PNPLA7: variants seen among roughly 807,000 people sequenced by gnomAD.
PNPLA7 encodes the protein patatin like domain 7, lysophospholipase, also known as patatin-like phospholipase domain-containing protein 7.
A neutral mutation model predicts 161.7 loss-of-function variants in PNPLA7; 153 were observed. The observed-to-expected ratio is 0.95, with a 90% CI of 0.83 to 1.08. The LOEUF (loss-of-function observed/expected upper bound fraction) is 1.08. Among genes scored for constraint, PNPLA7 ranks in the 50% least tolerant of loss-of-function variants. PNPLA7 has a pLI of 0.00. For synonymous variants in PNPLA7, 809 were observed against 782.1 expected (o/e 1.03, Z -0.57); for missense variants, 1,739 against 1,856.6 (o/e 0.94, Z 1.16).
chr9:137,460,865 A>G, intron 33 of PNPLA7, 128 bp from the exon 34 acceptor site: 1 of 784,960 alleles, frequency 1.3e-6, no homozygotes, highest in Non-Finnish European at 2.0e-6. Flanking sequence ...GGGGCCCTAC[A>G]CGCAGCCACC....
chr9:137,495,569 G>A (rs919079322), intron 18 of PNPLA7, among the ~76,000 whole-genome samples: 3 of 151,880 alleles, frequency 2.0e-5, no homozygotes, highest in African/African-American at 7.3e-5. Context: ...TCAGCCTCCC[G>A]AGTAGCTGTG....
chr9:137,543,875 T>C lies in PNPLA7; in HGVS notation c.274-60A>G, dbSNP rs1836348601. On this transcript the variant is annotated intron_variant, in intron 4 of 34. Coordinates refer to ENST00000406427, the MANE Select transcript of PNPLA7 (RefSeq NM_001098537.3). This position sits in a 1 kb window ranked among gnomAD's most constrained non-coding sequence, Gnocchi z 6.9. ...TGCAAGCCGCAAGGTCCAAGCTCTTTGCCATGGGGATCAGTCCTCAGGACC... is the reference window on the plus strand; with the variant it reads ...TGCAAGCCGCAAGGTCCAAGCTCTTCGCCATGGGGATCAGTCCTCAGGACC... 1.4e-6 allele frequency: 2 copies of C among 1,436,962 alleles called. No individual in the cohort carries two copies. Among genetic ancestry groups the C allele is most frequent in the South Asian group, 1.1e-5 (1 of 87,236 alleles). The allele number at this position is 1,436,962 out of a possible 1,614,324, so 89.0% of individuals were successfully genotyped here.
Position 137,462,300 on chromosome 9 carries a change from A to G in PNPLA7, c.3524T>C (p.Leu1175Pro). The change falls in exon 31 of 35, where the codon CTG becomes CCG. Residue 1175 changes from leucine (L) to proline (P), a missense_variant. By Grantham distance (98) the Leu-to-Pro change is moderately conservative. Around this residue, in one of 6 missense-constraint regions of PNPLA7, gnomAD observed 703 missense variants for 694.6 expected, o/e 1.01. Transcript: ENST00000406427. ...CTGCCGCACGCAACACACGTAGGCC[A>G]GGCGCGTCTGAATCTCTGCCATGTT... is the stretch of plus-strand genomic sequence containing the variant. ...VLNMAEIQTR[L>P]AYVCCVRQLE... 6.2e-7 allele frequency: 1 copy of G among 1,610,396 alleles called. No individual in the cohort carries two copies. Among genetic ancestry groups the G allele is most frequent in the Non-Finnish European group, 8.5e-7 (1 of 1,178,484 alleles).
chr9:137,462,582 G>A (rs1831269529), intron 30 of PNPLA7, 103 bp downstream of exon 30: 3 of 1,483,326 alleles, frequency 2.0e-6, no homozygotes, highest in Non-Finnish European at 2.7e-6. Context: ...AGACCTGCTG[G>A]CCTCAGAGCC....
chr9:137,545,371 G>C (rs576237110), intron 4 of PNPLA7, among the ~76,000 whole-genome samples: 38 of 152,324 alleles, frequency 2.5e-4, no homozygotes, highest in Admixed American at 1.3e-4. Flanking sequence ...GCCTGGCAGA[G>C]ACCTCCAAGC....
chr9:137,550,270 G>A lies in PNPLA7; in HGVS notation c.-73C>T, dbSNP rs1417823169. On this transcript the variant is annotated 5_prime_UTR_variant, in exon 1 of 35. Transcript: ENST00000406427. ...AGCAAACAAGGGCACACCTCTACCCGCTCATGCTCACACCTGGACACTTTT... is the reference window on the plus strand; with the variant it reads ...AGCAAACAAGGGCACACCTCTACCCACTCATGCTCACACCTGGACACTTTT... The A allele has an allele frequency of 5.2e-6, 8 of 1,526,412 alleles. No homozygotes were observed. The highest frequency in any genetic ancestry group is 1.4e-5 in the African/African-American group (1 of 72,996). The allele number at this position is 1,526,412 out of a possible 1,614,324, so 94.6% of individuals were successfully genotyped here.
intron 1 of PNPLA7, among the ~76,000 whole-genome samples, chr9:137,548,673 G>A (rs369592012): frequency 6.6e-5 from 10 of 152,298 alleles, no homozygotes; most frequent in South Asian, 2.1e-4. Context: ...GCGTGAACCC[G>A]GGAGGCAGAG....
rs762831079 is a variant in PNPLA7, at chr9:137,500,679, C to CA, written c.1757+11_1757+12insT. The CA allele has an allele frequency of 6.2e-7, 1 of 1,611,518 alleles. No individual in the cohort carries two copies. On this transcript the variant is annotated intron_variant, in intron 16 of 34. Transcript: ENST00000406427. The surrounding 1 kb of genome is among the most constrained non-coding windows in gnomAD (Gnocchi z 5.5). ...TGGGGCCCGCCCTGAGGTCCTGGCCCGTGGGACTCACTCATAGAAGTGGGC... is the reference window on the plus strand; with the variant it reads ...TGGGGCCCGCCCTGAGGTCCTGGCCCAGTGGGACTCACTCATAGAAGTGGGC...
Position 137,461,946 on chromosome 9 carries a change from C to T in PNPLA7, c.3741G>A (p.Lys1247=). ...CCGTACTCACCGCACTCGCGGGCTT[C>T]TTGCTCGGCCCCTGCTGGTCGCGGA... ...KMLRDQQGPS[K]KPASAVLTCP... is the part of the protein sequence containing the mutation. The change falls in exon 32 of 35, where the codon AAG becomes AAA. Residue 1247 remains lysine (K), a synonymous_variant. Transcript: ENST00000406427. The T allele has an allele frequency of 1.3e-6, 2 of 1,582,304 alleles. No individual in the cohort carries two copies. The highest frequency in any genetic ancestry group is 1.7e-6 in the Non-Finnish European group (2 of 1,168,930).
intron 17 of PNPLA7, 96 bp downstream of exon 17, chr9:137,498,018 C>A (rs555476440): frequency 1.1e-4 from 167 of 1,527,176 alleles, no homozygotes; most frequent in Non-Finnish European, 1.4e-4. Flanking sequence ...CAGTAACTTC[C>A]GTGTGTGGTT....
In PNPLA7 at chr9:137,468,039, C is replaced by T. The variant is rs1320179459; in HGVS notation, c.2883-566G>A. Among the ~76,000 whole-genome samples the T allele has an allele frequency of 6.6e-6, 1 of 152,166 alleles. No individual in the cohort carries two copies. Among genetic ancestry groups the T allele is most frequent in the Non-Finnish European group, 1.5e-5 (1 of 68,024 alleles). ...CTCTTCTACCCGGAAACACGGCTGCCTCCAGCAGGGCGTCTGAGAGGTGGT... is the reference window on the plus strand; with the variant it reads ...CTCTTCTACCCGGAAACACGGCTGCTTCCAGCAGGGCGTCTGAGAGGTGGT... On this transcript the variant is annotated intron_variant, in intron 25 of 34. Coordinates refer to ENST00000406427, the MANE Select transcript of PNPLA7 (RefSeq NM_001098537.3). This position sits in a 1 kb window ranked among gnomAD's most constrained non-coding sequence, Gnocchi z 4.0.
intron 29 of PNPLA7, 55 bp downstream of exon 29, chr9:137,463,360 C>G: frequency 6.9e-7 from 1 of 1,459,180 alleles, no homozygotes; most frequent in South Asian, 1.2e-5. Flanking sequence ...GGCCGTGGGG[C>G]GGCGTGACCC....
chr9:137,548,554 C>T (rs569761917), intron 1 of PNPLA7, among the ~76,000 whole-genome samples: 1 of 152,124 alleles, frequency 6.6e-6, no homozygotes, highest in African/African-American at 2.4e-5. Context: ...TCGAGACCAT[C>T]CTGGCTAACA....
chr9:137,478,689 C>G, intron 24 of PNPLA7: 1 of 200,294 alleles, frequency 5.0e-6, no homozygotes, highest in Non-Finnish European at 1.0e-5. Context: ...GGGGCCTCAG[C>G]CTCAGCCCTG....
At chr9:137,532,941 G>A (rs569848505) in intron 8 of PNPLA7, among the ~76,000 whole-genome samples, 4 of 151,790 alleles carry the variant, frequency 2.6e-5, no homozygotes, top group Non-Finnish European at 4.4e-5. Context: ...CACTCCAGAC[G>A]GGAACACTCC....
At chr9:137,502,164 G>A (rs1451851053) in intron 14 of PNPLA7, among the ~76,000 whole-genome samples, 1 of 152,150 alleles carries the variant, frequency 6.6e-6, no homozygotes, top group Non-Finnish European at 1.5e-5. Context: ...GGTGACCCGG[G>A]AGTGCCCAAC....
At position 137,523,160 on chromosome 9, in the gene PNPLA7, T is replaced by C. The variant is rs1019803788; in HGVS notation, c.748-303A>G. On this transcript the variant is annotated intron_variant, in intron 8 of 34. Coordinates refer to ENST00000406427, the MANE Select transcript of PNPLA7 (RefSeq NM_001098537.3). This position sits in a 1 kb window ranked among gnomAD's most constrained non-coding sequence, Gnocchi z 4.4. ...ATGGGGAGTTCCAACCACTCCCACC[T>C]GCCACTGAGGCTCACGGACCAGCTC... Among the ~76,000 whole-genome samples the C allele has an allele frequency of 6.6e-6, 1 of 152,156 alleles. No individual in the cohort carries two copies. The highest frequency in any genetic ancestry group is 1.5e-5 in the Non-Finnish European group (1 of 68,016).
At position 137,505,794 on chromosome 9, in the gene PNPLA7, GGA is replaced by G. The variant is rs769137796; in HGVS notation, c.1327-36_1327-35del. On this transcript the variant is annotated intron_variant, in intron 13 of 34. Coordinates refer to ENST00000406427, the MANE Select transcript of PNPLA7 (RefSeq NM_001098537.3). ...GAACGGAGATACCGGCAATTCGAAG[GGA>G]TGTGGTTGGGGAACATCGCACAAGG... is the stretch of plus-strand genomic sequence containing the variant. 6.2e-6 allele frequency: 10 copies of G among 1,611,118 alleles called. No homozygotes were observed. The South Asian group carries it at 9.9e-5, about 16-fold the overall frequency.
intron 25 of PNPLA7, among the ~76,000 whole-genome samples, chr9:137,470,978 G>T (rs1235324256): frequency 6.6e-6 from 1 of 152,228 alleles, no homozygotes; most frequent in Non-Finnish European, 1.5e-5. Context: ...CACACTCAGT[G>T]GTGGGCTGAA....
Sources: gnomAD v4.1 joint callset for allele counts (sites outside exome capture counted in the v4.1 genomes callset) on GRCh38, gnomAD v4.1.1 for gene constraint, gnomAD v4.1.1 regional missense constraint, Gnocchi (gnomAD v3.1) non-coding constraint, MANE v1.5 for transcripts, NCBI Gene and HGNC (gene_info 2026-07-23, HGNC 2026-07-21) for gene names.